Variants in KNTC1 observed in about 807,000 individuals in gnomAD.
The protein encoded by KNTC1 is kinetochore associated 1.
Under a neutral mutation model 314.4 loss-of-function variants are expected in KNTC1, and 253 were observed. The observed-to-expected ratio is 0.80, with a 90% CI of 0.73 to 0.89. The LOEUF (loss-of-function observed/expected upper bound fraction) is 0.89, where lower values mean the gene tolerates loss of function less well. Ranked by LOEUF, KNTC1 falls within the 40% of genes least tolerant of loss-of-function variation. The probability of loss-of-function intolerance (pLI) is 0.00; values close to 1 mark genes in which losing one functional copy is unlikely to be tolerated. For synonymous variants in KNTC1, 901 were observed against 901.4 expected (o/e 1.00, Z 0.01); for missense variants, 2,475 against 2,572.9 (o/e 0.96, Z 0.82).
At position 122,613,840 on chromosome 12, in the gene KNTC1, T is replaced by TTTG. The variant is rs377397973; in HGVS notation, c.5877+95_5877+97dup. ...GAAAGAGAAAACCAGGAACAGTCTT[T>TTTG]TTGTTGTTGTTGTTGTTGGGGACAG... On this transcript the variant is annotated intron_variant, in intron 55 of 63. Coordinates refer to ENST00000333479, the MANE Select transcript of KNTC1 (RefSeq NM_014708.6). 2,102 of 1,401,482 alleles carry TTTG rather than the reference T, an allele frequency of 1.5e-3. 29 individuals are homozygous for TTTG. In the African/African-American group the frequency reaches 0.027, roughly 18 times the overall value. 86.8% of individuals were successfully genotyped at this position (1,401,482 alleles called of 1,614,324 possible).
chr12:122,548,506 G>A (rs1415927849), intron 12 of KNTC1, among the ~76,000 whole-genome samples: 2 of 151,976 alleles, frequency 1.3e-5, no homozygotes, highest in East Asian at 3.9e-4. Context: ...CACTGCGCCC[G>A]GCCCAGGAAA....
chr12:122,575,563 C>G lies in KNTC1; in HGVS notation c.2403C>G (p.Leu801=). 1 of 1,593,562 alleles carries G rather than the reference C, an allele frequency of 6.3e-7. No individual in the cohort carries two copies. Among genetic ancestry groups the G allele is most frequent in the Non-Finnish European group, 8.5e-7 (1 of 1,169,664 alleles). ...TGTAGCTCATATTTGATGCCGTGCTCAAGATCATGTATGCGGCAGTGGTTC... is the reference window on the plus strand; with the variant it reads ...TGTAGCTCATATTTGATGCCGTGCTGAAGATCATGTATGCGGCAGTGGTTC... The part of the protein sequence containing the change: ...SDTDLIFDAV[L]KIMYAAVVPW... The change falls in exon 28 of 64, where the codon CTC becomes CTG. Residue 801 remains leucine, a synonymous_variant. Transcript: ENST00000333479.
intron 12 of KNTC1, among the ~76,000 whole-genome samples, chr12:122,549,356 T>A (rs1963027158): frequency 6.6e-6 from 1 of 151,524 alleles, no homozygotes; most frequent in African/African-American, 2.4e-5. Context: ...GTTTTTTATT[T>A]ATTTTTATTT....
At chr12:122,584,201 T>C in intron 34 of KNTC1, 77 bp from the exon 35 acceptor site, 2 of 927,586 alleles carry the variant, frequency 2.2e-6, no homozygotes. Flanking sequence ...GTGGTGGTGA[T>C]ATATTAATCC....
intron 16 of KNTC1, among the ~76,000 whole-genome samples, chr12:122,553,564 G>A (rs1046855217): frequency 6.6e-6 from 1 of 151,978 alleles, no homozygotes; most frequent in Non-Finnish European, 1.5e-5. Context: ...GGATGTGAGG[G>A]GTCTGGTGAA....
At chr12:122,604,826 A>C (rs1366045844) in intron 49 of KNTC1, 51 bp from the exon 50 acceptor site, 1 of 1,526,454 alleles carries the variant, frequency 6.6e-7, no homozygotes, top group African/African-American at 1.4e-5. Context: ...GCTTGGCTTC[A>C]ACTGAGGCTT....
intron 24 of KNTC1, among the ~76,000 whole-genome samples, chr12:122,571,368 A>G (rs990242681): frequency 2.0e-5 from 3 of 151,200 alleles, no homozygotes; most frequent in African/African-American, 7.3e-5. Context: ...TTTATTTATT[A>G]TTCATTTTTG....
chr12:122,547,270 G>A (rs968916047), intron 10 of KNTC1, 145 bp from the exon 11 acceptor site: 2 of 540,718 alleles, frequency 3.7e-6, no homozygotes, highest in Non-Finnish European at 6.6e-6. Context: ...AGCTACTCAG[G>A]AATCTGAGGC....
At chr12:122,609,154 A>C in intron 51 of KNTC1, 2 of 479,286 alleles carry the variant, frequency 4.2e-6, no homozygotes, top group Non-Finnish European at 7.3e-6. Flanking sequence ...CTATATACTT[A>C]GAATTGTGTC....
chr12:122,578,590 T>G (rs1363620553), intron 31 of KNTC1, among the ~76,000 whole-genome samples: 1 of 151,906 alleles, frequency 6.6e-6, no homozygotes. Context: ...CTGGCTAATT[T>G]ATGTATTTTT....
intron 24 of KNTC1, among the ~76,000 whole-genome samples, chr12:122,572,736 G>T (rs898985469): frequency 6.6e-6 from 1 of 151,950 alleles, no homozygotes; most frequent in African/African-American, 2.4e-5. Context: ...TTTTTTAAGA[G>T]AAAATATCTT....
intron 16 of KNTC1, among the ~76,000 whole-genome samples, chr12:122,553,979 A>C (rs189659219): frequency 7.6e-4 from 115 of 151,460 alleles, no homozygotes; most frequent in African/African-American, 2.6e-3. Context: ...TAGTTGGTTA[A>C]AGAATTAATA....
chr12:122,561,060 C>G (rs940942488), intron 18 of KNTC1, among the ~76,000 whole-genome samples: 1 of 152,028 alleles, frequency 6.6e-6, no homozygotes, highest in Non-Finnish European at 1.5e-5. Flanking sequence ...GCCTATAATC[C>G]TAGCACTTTG....
intron 51 of KNTC1, among the ~76,000 whole-genome samples, chr12:122,606,998 A>G (rs1238474999): frequency 1.3e-5 from 2 of 152,142 alleles, no homozygotes; most frequent in Non-Finnish European, 2.9e-5. Flanking sequence ...TTATATAAGC[A>G]GTTTTCTCCC....
chr12:122,618,624 G>A (rs2138184295), intron 59 of KNTC1, 79 bp downstream of exon 59: 5 of 1,030,314 alleles, frequency 4.9e-6, no homozygotes, highest in Middle Eastern at 4.2e-4. Flanking sequence ...TATCTCTAAT[G>A]AGTAATTCCT....
Position 122,575,782 on chromosome 12 carries a change from G to T in KNTC1, c.2487-18G>T. On this transcript the variant is annotated intron_variant, in intron 28 of 63. Transcript: ENST00000333479. ...TAAAAAAGACAATCCATGTTAATAT[G>T]GGTAAATTTGCTTTCAGAGTCAAGT... is the stretch of plus-strand genomic sequence containing the variant. 1 of 1,596,750 alleles carries T rather than the reference G, an allele frequency of 6.3e-7. No homozygotes were observed. The highest frequency in any genetic ancestry group is 1.1e-5 in the South Asian group (1 of 89,908).
chr12:122,561,522 C>T (rs1335311483), intron 18 of KNTC1, among the ~76,000 whole-genome samples: 1 of 150,914 alleles, frequency 6.6e-6, no homozygotes, highest in Non-Finnish European at 1.5e-5. Flanking sequence ...GGTGGGATCT[C>T]GGCTCATGGC....
intron 3 of KNTC1, among the ~76,000 whole-genome samples, chr12:122,536,256 C>T (rs1340855481): frequency 2.0e-5 from 3 of 148,206 alleles, no homozygotes; most frequent in Non-Finnish European, 3.0e-5. Context: ...GAGATGTAGT[C>T]TCGCACTGTC....
chr12:122,592,781 AAG>A (rs1284214354), intron 42 of KNTC1: 4 of 152,382 alleles, frequency 2.6e-5, no homozygotes, highest in South Asian at 2.1e-4. Context: ...GGGGCCAGAT[AAG>A]AGAATAAAAG....
Sources: gnomAD v4.1 joint callset for allele counts (sites outside exome capture counted in the v4.1 genomes callset) on GRCh38, gnomAD v4.1.1 for gene constraint, MANE v1.5 for transcripts, NCBI Gene and HGNC (gene_info 2026-07-23, HGNC 2026-07-21) for gene names.